The following PAQR5 variants were observed in gnomAD, a reference collection of about 807,000 sequenced individuals.
PAQR5 encodes the protein progestin and adipoQ receptor family member 5.
PAQR5 carries 20 observed loss-of-function variants against 34.5 expected under a neutral mutation model. The observed-to-expected ratio is 0.58, with a 90% CI of 0.41 to 0.84. The LOEUF is 0.84. Among genes scored for constraint, PAQR5 ranks in the 40% least tolerant of loss-of-function variants. The pLI is 0.00. For synonymous variants in PAQR5, 131 were observed against 155.6 expected, an observed-to-expected ratio of 0.84 and a Z score of 1.18; for missense variants, 378 against 412.7, an observed-to-expected ratio of 0.92 and a Z score of 0.73.
Position 69,384,859 on chromosome 15 carries a change from G to C in PAQR5, c.362G>C (p.Gly121Ala). 1.2e-6 allele frequency: 2 copies of C among 1,613,974 alleles called. No homozygotes were observed. Among genetic ancestry groups the C allele is most frequent in the Non-Finnish European group, 8.5e-7 (1 of 1,179,970 alleles). Residue 121 changes from glycine to alanine, a missense_variant, in exon 5 of 9, where the codon GGT becomes GCT. By Grantham distance (60) the Gly-to-Ala change is moderately conservative (BLOSUM62 0). Transcript: ENST00000395407. Reference sequence around the variant, plus strand: ...CACATTTGCTACTTCCTGGACTATGGTGCCGTCAACCTCTTCAGCCTGGGT... The same window carrying C: ...CACATTTGCTACTTCCTGGACTATGCTGCCGTCAACCTCTTCAGCCTGGGT... ...ARHICYFLDY[G>A]AVNLFSLGSA...
intron 1 of PAQR5, among the ~76,000 whole-genome samples, chr15:69,302,867 C>A (rs2053635340): frequency 6.6e-6 from 1 of 152,202 alleles, no homozygotes; most frequent in Non-Finnish European, 1.5e-5. Flanking sequence ...AACAAGGATG[C>A]AGCAGAGTAA....
intron 1 of PAQR5, among the ~76,000 whole-genome samples, chr15:69,329,541 G>A (rs1707201684): frequency 7.3e-6 from 1 of 136,578 alleles, no homozygotes; most frequent in African/African-American, 2.8e-5. Context: ...TACCAGTGCA[G>A]TGGTGCAATC....
intron 1 of PAQR5, chr15:69,314,388 A>G (rs371906920): frequency 1.3e-5 from 2 of 152,112 alleles, no homozygotes; most frequent in African/African-American, 4.8e-5. Flanking sequence ...TTGCTGGAAC[A>G]TTACTTCTGG....
chr15:69,333,103 TCTC>T (rs1335143565), intron 1 of PAQR5, among the ~76,000 whole-genome samples: 3 of 152,190 alleles, frequency 2.0e-5, no homozygotes, highest in African/African-American at 7.2e-5. Flanking sequence ...GGTTTTTTCT[TCTC>T]AGTTGACTGA....
chr15:69,362,520 A>T (rs1395186156), intron 3 of PAQR5, among the ~76,000 whole-genome samples: 1 of 152,234 alleles, frequency 6.6e-6, no homozygotes, highest in Non-Finnish European at 1.5e-5. Context: ...TACTTCATAC[A>T]ATTGTTAAAG....
intron 1 of PAQR5, among the ~76,000 whole-genome samples, chr15:69,322,930 G>A (rs2054162503): frequency 6.7e-6 from 1 of 149,734 alleles, no homozygotes; most frequent in Admixed American, 6.7e-5. Context: ...AGCGCATGGG[G>A]GTGGGAAGTT....
Position 69,403,874 on chromosome 15 carries a change from T to C in PAQR5, c.*52T>C, listed in dbSNP as rs1248429744. ...ATGTCAACATTAAGCTGCAACATCC[T>C]AACCACCATAAGCCGGAGGTGGTTA... On this transcript the variant is annotated 3_prime_UTR_variant, in exon 9 of 9. Coordinates refer to ENST00000395407, the MANE Select transcript of PAQR5 (RefSeq NM_017705.4). 1.3e-6 allele frequency: 2 copies of C among 1,589,846 alleles called. No individual in the cohort carries two copies. Among genetic ancestry groups the C allele is most frequent in the East Asian group, 4.5e-5 (2 of 44,694 alleles).
rs1038357937 is a variant in PAQR5 at position 69,329,463 on chromosome 15, CTTTTTTT to C, written c.-276-7859_-276-7853del. ...TTTTACCTAAATTTATTTTTTCTTT[CTTTTTTT>C]TTTTTTTTTTTTTTTTTTGGAGAGA... On this transcript the variant is annotated intron_variant, in intron 1 of 8. Coordinates refer to ENST00000395407, the MANE Select transcript of PAQR5 (RefSeq NM_017705.4). Among the ~76,000 whole-genome samples, 516 of 73,770 alleles carry C rather than the reference CTTTTTTT, an allele frequency of 7.0e-3. 3 individuals carry two copies. The highest frequency in any genetic ancestry group is 0.024 in the African/African-American group (416 of 17,516). The allele number at this position is 73,770 out of a possible 152,430, so 48.4% of individuals were successfully genotyped here.
At chr15:69,400,158 G>C (rs1245033107) in intron 8 of PAQR5, 43 bp downstream of exon 8, 1 of 1,574,842 alleles carries the variant, frequency 6.3e-7, no homozygotes, top group Non-Finnish European at 8.6e-7. Flanking sequence ...TTGCCCTCCT[G>C]ACTGGGGAGG....
At chr15:69,319,178 T>TAA (rs1258540259) in intron 1 of PAQR5, among the ~76,000 whole-genome samples, 9 of 4,296 alleles carry the variant, frequency 2.1e-3, no homozygotes, top group African/African-American at 2.2e-3. Context: ...TATATATATA[T>TAA]ATATATATAT....
intron 1 of PAQR5, among the ~76,000 whole-genome samples, chr15:69,326,060 A>G (rs1441203509): frequency 4.6e-5 from 7 of 152,084 alleles, no homozygotes; most frequent in Non-Finnish European, 8.8e-5. Flanking sequence ...TTAACTGCAA[A>G]TACATGCAAA....
intron 1 of PAQR5, among the ~76,000 whole-genome samples, chr15:69,313,937 C>T (rs751468839): frequency 4.1e-4 from 63 of 152,152 alleles, no homozygotes; most frequent in Middle Eastern, 3.4e-3. Flanking sequence ...AGTGGGTGGA[C>T]TCAGGGACCT....
chr15:69,322,765 A>AGGG (rs1193393997), intron 1 of PAQR5, among the ~76,000 whole-genome samples: 2 of 41,848 alleles, frequency 4.8e-5, no homozygotes, highest in East Asian at 9.3e-4. Flanking sequence ...GAAGAAGAAG[A>AGGG]AGAAGAGGGA....
At chr15:69,350,315 A>G (rs1447221274) in intron 2 of PAQR5, among the ~76,000 whole-genome samples, 1 of 152,220 alleles carries the variant, frequency 6.6e-6, no homozygotes, top group Admixed American at 6.5e-5. Flanking sequence ...TAAGCAGACA[A>G]CTTCCAGACC....
At chr15:69,322,766 A>AGAAGAAGAAGAAGAG (rs2054144704) in intron 1 of PAQR5, among the ~76,000 whole-genome samples, 1 of 25,784 alleles carries the variant, frequency 3.9e-5, no homozygotes, top group East Asian at 1.3e-3. Flanking sequence ...AAGAAGAAGA[A>AGAAGAAGAAGAAGAG]GAAGAGGGAG....
At chr15:69,364,939 T>C (rs960143322) in intron 3 of PAQR5, among the ~76,000 whole-genome samples, 1 of 152,050 alleles carries the variant, frequency 6.6e-6, no homozygotes, top group South Asian at 2.1e-4. Context: ...GGTTTCACTA[T>C]CTTGGCCAGG....
intron 1 of PAQR5, among the ~76,000 whole-genome samples, chr15:69,307,163 C>T (rs1407527201): frequency 3.3e-5 from 5 of 151,596 alleles, no homozygotes; most frequent in South Asian, 2.1e-4. Context: ...GGCACGATCT[C>T]GGCTTGTTGC....
chr15:69,366,570 C>T (rs980838982), intron 3 of PAQR5, among the ~76,000 whole-genome samples: 1 of 152,084 alleles, frequency 6.6e-6, no homozygotes. Context: ...GAGAATGCCC[C>T]CTGTATTATT....
At chr15:69,307,037 G>C (rs745950237) in intron 1 of PAQR5, among the ~76,000 whole-genome samples, 1 of 151,944 alleles carries the variant, frequency 6.6e-6, no homozygotes, top group African/African-American at 2.4e-5. Context: ...CCATGTTGTG[G>C]CATGTGACAG....
Sources: allele counts gnomAD v4.1 joint callset (sites outside exome capture counted in the v4.1 genomes callset), GRCh38; gene constraint gnomAD v4.1.1; transcripts MANE v1.5; gene names NCBI Gene and HGNC (gene_info 2026-07-23, HGNC 2026-07-21).